Variants in CENPF observed in about 807,000 individuals in gnomAD.
CENPF encodes centromere protein F.
A neutral mutation model predicts 307.3 loss-of-function variants in CENPF; 214 were observed. That is an observed-to-expected ratio of 0.70 (90% CI 0.62 to 0.78). The LOEUF is 0.78. CENPF is among the 30% of genes least tolerant of loss of function. CENPF has a pLI of 0.00. For missense variants in CENPF, 3,401 were observed against 3,483.9 expected (o/e 0.98, Z 0.60); for synonymous variants, 1,259 against 1,270.6 (o/e 0.99, Z 0.19).
At position 214,641,341 on chromosome 1, in the gene CENPF, A is replaced by G. The variant is rs145269947; in HGVS notation, c.3003A>G (p.Ala1001=). Residue 1001 remains alanine, a synonymous_variant, in exon 12 of 20, where the codon GCA becomes GCG. Transcript: ENST00000366955. The stretch of plus-strand genomic sequence containing the variant: ...TAATCCAGAAAAGTGAGAGTTTTGC[A>G]AACTATATAGATGAAAGGGAGAAAA... The part of the protein sequence containing the change: ...MNLIQKSESF[A]NYIDEREKSI... The G allele has an allele frequency of 5.0e-6, 8 of 1,612,160 alleles. No homozygotes were observed. Among genetic ancestry groups the G allele is most frequent in the Non-Finnish European group, 5.9e-6 (7 of 1,179,528 alleles).
chr1:214,637,732 C>T, intron 10 of CENPF, 134 bp from the exon 11 acceptor site: 1 of 831,100 alleles, frequency 1.2e-6, no homozygotes, highest in South Asian at 2.1e-5. Flanking sequence ...TCATTAGGTA[C>T]TCAAACGGGG....
At chr1:214,622,344 A>T (rs977889310) in intron 7 of CENPF, 63 bp downstream of exon 7, 22 of 1,282,216 alleles carry the variant, frequency 1.7e-5, no homozygotes, top group Non-Finnish European at 2.4e-5. Context: ...ATTTAGAAAG[A>T]GTATTTTATA....
At chr1:214,655,130 T>C (rs1306131937) in intron 16 of CENPF, 111 bp from the exon 17 acceptor site, 9 of 660,798 alleles carry the variant, frequency 1.4e-5, no homozygotes, top group Non-Finnish European at 2.1e-5. Flanking sequence ...TTGTATTGAA[T>C]CTAATAATTC....
intron 14 of CENPF, among the ~76,000 whole-genome samples, chr1:214,650,164 G>A (rs1658422881): frequency 6.6e-6 from 1 of 152,224 alleles, no homozygotes; most frequent in Non-Finnish European, 1.5e-5. Flanking sequence ...GATGTCACTT[G>A]CAAGATGACG....
intron 7 of CENPF, among the ~76,000 whole-genome samples, chr1:214,626,913 C>A (rs1657670225): frequency 6.6e-6 from 1 of 152,180 alleles, no homozygotes; most frequent in East Asian, 1.9e-4. Context: ...TCCTTTTACA[C>A]TTTACTTATT....
intron 7 of CENPF, among the ~76,000 whole-genome samples, chr1:214,625,351 G>T (rs775533727): frequency 6.6e-6 from 1 of 152,040 alleles, no homozygotes; most frequent in African/African-American, 2.4e-5. Context: ...AATAGGAGTA[G>T]CTGGGACTAC....
At chr1:214,653,623 C>G (rs570333579) in intron 16 of CENPF, 1 of 154,126 alleles carries the variant, frequency 6.5e-6, no homozygotes, top group Non-Finnish European at 1.5e-5. Flanking sequence ...AGTAATGAAC[C>G]TGGATAATAA....
At chr1:214,658,715 C>A in intron 18 of CENPF, 135 bp from the exon 19 acceptor site, 1 of 731,526 alleles carries the variant, frequency 1.4e-6, no homozygotes, top group Non-Finnish European at 2.2e-6. Context: ...AAGTGTAATC[C>A]ATTGACCACA....
At chr1:214,621,636 T>C (rs1371829470) in intron 6 of CENPF, among the ~76,000 whole-genome samples, 2 of 152,238 alleles carry the variant, frequency 1.3e-5, no homozygotes, top group Non-Finnish European at 2.9e-5. Context: ...TGATGTTTAC[T>C]GGAGGTAAAA....
chr1:214,605,659 C>G (rs1293501884), intron 1 of CENPF: 10 of 1,562,364 alleles, frequency 6.4e-6, no homozygotes, highest in African/African-American at 5.4e-5. Flanking sequence ...TGAGGTCTGG[C>G]CGGTTGGTGC....
intron 1 of CENPF, among the ~76,000 whole-genome samples, chr1:214,609,893 T>C (rs1363162149): frequency 6.6e-6 from 1 of 152,216 alleles, no homozygotes; most frequent in Non-Finnish European, 1.5e-5. Context: ...TATGGCTGCA[T>C]AGTATTCCAT....
intron 11 of CENPF, among the ~76,000 whole-genome samples, chr1:214,639,520 C>T (rs1658049150): frequency 6.6e-6 from 1 of 152,086 alleles, no homozygotes; most frequent in Admixed American, 6.5e-5. Context: ...GTGGGATGTT[C>T]CCATTTCAGT....
chr1:214,626,041 A>G (rs1043798116), intron 7 of CENPF, among the ~76,000 whole-genome samples: 1 of 152,160 alleles, frequency 6.6e-6, no homozygotes, highest in Non-Finnish European at 1.5e-5. Flanking sequence ...AATCATTGCT[A>G]AGCCTGTTCT....
intron 11 of CENPF, 21 bp from the exon 12 acceptor site, chr1:214,639,900 C>T (rs765589753): frequency 4.8e-6 from 7 of 1,455,988 alleles, no homozygotes; most frequent in African/African-American, 1.5e-5. Flanking sequence ...ACATTGACGA[C>T]TTTTATTTAT....
rs946454254 is a variant in CENPF at position 214,613,893 on chromosome 1, G to A, written c.139G>A (p.Ala47Thr). 3 of 1,611,634 alleles carry A rather than the reference G, an allele frequency of 1.9e-6. No individual in the cohort carries two copies. In the African/African-American group the frequency reaches 4.0e-5, roughly 22 times the overall value. ...RQFQLDSLEAALQKQKQKVEN... is the reference protein window; with the variant it reads ...RQFQLDSLEATLQKQKQKVEN... ...GTTTCAGCTTGACAGTCTCGAGGCTGCGCTGCAGAAGCAAAAACAGAAGGT... is the reference window on the plus strand; with the variant it reads ...GTTTCAGCTTGACAGTCTCGAGGCTACGCTGCAGAAGCAAAAACAGAAGGT... Residue 47 changes from alanine (A) to threonine (T), a missense_variant, in exon 2 of 20, where the codon GCG becomes ACG. Transcript: ENST00000366955.
intron 15 of CENPF, 35 bp downstream of exon 15, chr1:214,651,921 A>G (rs925911525): frequency 1.7e-5 from 27 of 1,542,858 alleles, no homozygotes; most frequent in Middle Eastern, 1.7e-4. Context: ...GGGGAGCTGG[A>G]GAGTGTATTT....
chr1:214,658,905 C>A lies in CENPF; in HGVS notation c.9018C>A (p.Thr3006=). The A allele has an allele frequency of 6.2e-7, 1 of 1,614,126 alleles. No individual in the cohort carries two copies. Among genetic ancestry groups the A allele is most frequent in the Non-Finnish European group, 8.5e-7 (1 of 1,180,006 alleles). ...GCCCATATATCCTGCGAAGAACAAC[C>A]ATGGCAACTCGGACCAGCCCCCGCC... ...KTSPYILRRT[T]MATRTSPRLA... The change falls in exon 19 of 20, where the codon ACC becomes ACA. Residue 3006 remains threonine (T), a synonymous_variant. Transcript: ENST00000366955.
chr1:214,626,717 A>C (rs569664823), intron 7 of CENPF, among the ~76,000 whole-genome samples: 2 of 152,306 alleles, frequency 1.3e-5, no homozygotes, highest in East Asian at 3.9e-4. Context: ...TGCCTGTGTC[A>C]TAGGGTTGTT....
At chr1:214,627,369 CTTTTTTTTTT>C (rs10686407) in intron 7 of CENPF, among the ~76,000 whole-genome samples, 1 of 83,974 alleles carries the variant, frequency 1.2e-5, no homozygotes, top group African/African-American at 5.3e-5. Context: ...CCCTCAGGCT[CTTTTTTTTTT>C]TTTTTTTTTT....
Sources: allele counts gnomAD v4.1 joint callset (sites outside exome capture counted in the v4.1 genomes callset), GRCh38; gene constraint gnomAD v4.1.1; transcripts MANE v1.5; gene names NCBI Gene and HGNC (gene_info 2026-07-23, HGNC 2026-07-21).